Variants in TF observed in about 807,000 individuals in gnomAD.
TF encodes the protein serotransferrin.
Under a neutral mutation model 82.4 loss-of-function variants are expected in TF, and 55 were observed. The observed-to-expected ratio is 0.67, with a 90% CI of 0.54 to 0.84. The LOEUF (loss-of-function observed/expected upper bound fraction) is 0.84, where lower values mean the gene tolerates loss of function less well. Among genes scored for constraint, TF ranks in the 40% least tolerant of loss-of-function variants. The probability of loss-of-function intolerance (pLI) is 0.00; values close to 1 mark genes in which losing one functional copy is unlikely to be tolerated. For synonymous variants in TF, 332 were observed against 332.6 expected, an observed-to-expected ratio of 1.00 and a Z score of 0.02; for missense variants, 737 against 868.4, an observed-to-expected ratio of 0.85 and a Z score of 1.90.
chr3:133,699,235 C>T, the TF span, among the ~76,000 whole-genome samples: 1 of 152,234 alleles, frequency 6.6e-6, no homozygotes, highest in South Asian at 2.1e-4. Flanking sequence ...GCACACTGCC[C>T]AGCCCTGTGT....
Position 133,762,796 on chromosome 3 carries a change from A to ACACATTAC in TF, c.1204-1383_1204-1376dup, listed in dbSNP as rs571834512. ...CAAGCTAAAACACAAAGAATTTAAT[A>ACACATTAC]CACATTACCAGGCAGACTCTGAGCG... On this transcript the variant is annotated intron_variant, in intron 9 of 16. Transcript: ENST00000402696. 1.4e-4 allele frequency among the ~76,000 whole-genome samples: 22 copies of ACACATTAC among 152,360 alleles called. No homozygotes were observed. The East Asian group carries it at 4.2e-3, about 29-fold the overall frequency.
the TF span, among the ~76,000 whole-genome samples, chr3:133,666,400 T>C: frequency 1.3e-5 from 2 of 152,286 alleles, no homozygotes; most frequent in South Asian, 4.1e-4. Flanking sequence ...CTTGAACTCC[T>C]GATCTTGTGA....
the TF span, among the ~76,000 whole-genome samples, chr3:133,670,133 G>T: frequency 6.6e-6 from 1 of 152,212 alleles, no homozygotes; most frequent in African/African-American, 2.4e-5. Context: ...GAAGCAGGCT[G>T]CCTAGTTTGA....
intron 2 of TF, among the ~76,000 whole-genome samples, chr3:133,750,088 G>A (rs550986914): frequency 6.6e-6 from 1 of 152,356 alleles, no homozygotes; most frequent in South Asian, 2.1e-4. Flanking sequence ...AGAGATGCTT[G>A]TGAGTTTCAA....
intron 13 of TF, among the ~76,000 whole-genome samples, chr3:133,769,598 G>A (rs1410061319): frequency 6.6e-6 from 1 of 152,156 alleles, no homozygotes; most frequent in East Asian, 1.9e-4. Flanking sequence ...TGGCACAATA[G>A]GTACCCCGTC....
At position 133,778,643 on chromosome 3, in the gene TF, C is replaced by T. The variant is rs770962379; in HGVS notation, c.*23C>T. 164 of 1,612,990 alleles carry T rather than the reference C, an allele frequency of 1.0e-4. No homozygotes were observed. Among genetic ancestry groups the T allele is most frequent in the Non-Finnish European group, 1.3e-4 (158 of 1,179,414 alleles). ...TAAAATCTCAGAGGTAGGGCTGCCA[C>T]CAAGGTGAAGATGGGAACGCAGATG... On this transcript the variant is annotated 3_prime_UTR_variant, in exon 17 of 17. Transcript: ENST00000402696.
intron 12 of TF, among the ~76,000 whole-genome samples, chr3:133,767,096 A>G (rs1047443875): frequency 4.6e-5 from 7 of 152,192 alleles, no homozygotes; most frequent in Non-Finnish European, 8.8e-5. Flanking sequence ...AAGGTTTTGT[A>G]TGGTATGTGA....
the TF span, among the ~76,000 whole-genome samples, chr3:133,693,535 G>A: frequency 1.3e-5 from 2 of 152,212 alleles, no homozygotes; most frequent in Non-Finnish European, 2.9e-5. Flanking sequence ...GCAGGGACCT[G>A]AGAAGGGCTA....
Position 133,754,527 on chromosome 3 carries a change from G to A in TF, c.358G>A (p.Val120Met). The A allele has an allele frequency of 6.2e-7, 1 of 1,614,212 alleles. No individual in the cohort carries two copies. The highest frequency in any genetic ancestry group is 8.5e-7 in the Non-Finnish European group (1 of 1,180,030). ...GACTTTCTATTATGCTGTTGCTGTG[G>A]TGAAGAAGGATAGTGGCTTCCAGAT... ...PQTFYYAVAV[V>M]KKDSGFQMNQ... The change falls in exon 4 of 17, where the codon GTG becomes ATG. Residue 120 changes from valine (V) to methionine (M), a missense_variant. Coordinates refer to ENST00000402696, the MANE Select transcript of TF (RefSeq NM_001063.4).
At chr3:133,722,180 C>T in the TF span, among the ~76,000 whole-genome samples, 1 of 152,000 alleles carries the variant, frequency 6.6e-6, no homozygotes, top group African/African-American at 2.4e-5. Context: ...CCATGCCTGG[C>T]CTCTTTTTAC....
the TF span, among the ~76,000 whole-genome samples, chr3:133,737,369 A>C: frequency 3.9e-5 from 6 of 152,254 alleles, no homozygotes; most frequent in African/African-American, 2.4e-5. Context: ...AGCAGGAAAG[A>C]TCTAAAATTG....
At chr3:133,728,626 G>T in the TF span, among the ~76,000 whole-genome samples, 1 of 152,260 alleles carries the variant, frequency 6.6e-6, no homozygotes, top group African/African-American at 2.4e-5. Flanking sequence ...GGAGTAGTTT[G>T]ATTGTCTGAA....
rs71136494 is a variant in TF at position 133,771,743 on chromosome 3, C to CAAAAAAAAAAA, written c.1687+1184_1687+1194dup. ...TGGGCGACAGAGCGAGACTCCGTCT[C>CAAAAAAAAAAA]AAAAAAAAAAAAAAAAAAAAAAAGA... On this transcript the variant is annotated intron_variant, in intron 14 of 16. Coordinates refer to ENST00000402696, the MANE Select transcript of TF (RefSeq NM_001063.4). Among the ~76,000 whole-genome samples, 7 of 56,546 alleles carry CAAAAAAAAAAA rather than the reference C, an allele frequency of 1.2e-4. 1 individual carries two copies. Among genetic ancestry groups the CAAAAAAAAAAA allele is most frequent in the African/African-American group, 3.0e-4 (3 of 9,970 alleles). 37.1% of individuals were successfully genotyped at this position (56,546 alleles called of 152,430 possible).
the TF span, among the ~76,000 whole-genome samples, chr3:133,671,348 G>A: frequency 6.6e-6 from 1 of 152,056 alleles, no homozygotes; most frequent in Non-Finnish European, 1.5e-5. Flanking sequence ...AATAAAATTA[G>A]AATATATTTT....
chr3:133,781,087 G>A lies in TF; in HGVS notation c.*2467G>A, dbSNP rs1934506458. ...TAATCTCAGCACTTTGGGAGGCCAA[G>A]TCGGGCGGATCACCTGAGGTCAGGA... is the stretch of plus-strand genomic sequence containing the variant. On this transcript the variant is annotated 3_prime_UTR_variant, in exon 17 of 17. Coordinates refer to ENST00000402696, the MANE Select transcript of TF (RefSeq NM_001063.4). The A allele has an allele frequency of 6.6e-6, 1 of 152,150 alleles. No homozygotes were observed. Among genetic ancestry groups the A allele is most frequent in the Admixed American group, 6.5e-5 (1 of 15,272 alleles). 9.4% of individuals were successfully genotyped at this position (152,150 alleles called of 1,614,324 possible). A position where few individuals can be genotyped will look rare whatever the true frequency, so the allele number is the denominator to read the frequency against.
chr3:133,711,724 C>T, the TF span, among the ~76,000 whole-genome samples: 4 of 152,172 alleles, frequency 2.6e-5, no homozygotes. Flanking sequence ...TTGCAAAGTG[C>T]AGATATGACC....
intron 15 of TF, among the ~76,000 whole-genome samples, chr3:133,776,220 T>TC (rs1320634110): frequency 6.6e-6 from 1 of 152,198 alleles, no homozygotes; most frequent in East Asian, 1.9e-4. Context: ...GGATTTCTGT[T>TC]CCTCTTGCCT....
the TF span, among the ~76,000 whole-genome samples, chr3:133,737,527 C>T: frequency 2.0e-5 from 3 of 151,874 alleles, no homozygotes; most frequent in East Asian, 1.9e-4. Flanking sequence ...TCAATGAATC[C>T]AGGAGCTGGT....
the TF span, among the ~76,000 whole-genome samples, chr3:133,676,907 C>A: frequency 6.6e-6 from 1 of 152,256 alleles, no homozygotes. Flanking sequence ...CCTCCTCATT[C>A]ATCTTCCCTC....
Sources: allele counts gnomAD v4.1 joint callset (sites outside exome capture counted in the v4.1 genomes callset), GRCh38; gene constraint gnomAD v4.1.1; transcripts MANE v1.5; gene names NCBI Gene and HGNC (gene_info 2026-07-23, HGNC 2026-07-21).